DGKI: variants seen among roughly 807,000 people sequenced by gnomAD.
The protein encoded by DGKI is DAG kinase iota.
In DGKI, 55 loss-of-function variants were observed where a neutral mutation model predicts 147.5. The ratio of observed to expected loss-of-function variants is 0.37; its 90% confidence interval spans 0.30 to 0.47. The LOEUF (loss-of-function observed/expected upper bound fraction) is 0.47, where lower values mean the gene tolerates loss of function less well. Among genes scored for constraint, DGKI ranks in the 20% least tolerant of loss-of-function variants. The pLI, the probability that DGKI is intolerant of heterozygous loss-of-function variation, is 1.00. For synonymous variants in DGKI, 469 were observed against 477.1 expected, an observed-to-expected ratio of 0.98 and a Z score of 0.22; for missense variants, 1,007 against 1,323.8, an observed-to-expected ratio of 0.76 and a Z score of 3.71.
chr7:137,441,382 C>T (rs12531001), intron 28 of DGKI, among the ~76,000 whole-genome samples: 41,986 of 143,034 alleles, frequency 0.29, 7,461 homozygotes, highest in East Asian at 0.65. Flanking sequence ...GATCGTGCCA[C>T]TGCACTCCAG....
At position 137,507,172 on chromosome 7, in the gene DGKI, T is replaced by A. The variant is rs1397454538; in HGVS notation, c.2248+14694A>T. ...GAAACATAACATCCCAAGAACTTTA[T>A]ACCTTGCCATGCCATGTCTGGGACC... is the stretch of plus-strand genomic sequence containing the variant. On this transcript the variant is annotated intron_variant, in intron 21 of 32. Coordinates refer to ENST00000614521, the MANE Select transcript of DGKI (RefSeq NM_001321708.2). Among the ~76,000 whole-genome samples, 3 of 152,190 alleles carry A rather than the reference T, an allele frequency of 2.0e-5. No homozygotes were observed. In the East Asian group the frequency reaches 5.8e-4, roughly 29 times the overall value.
intron 21 of DGKI, among the ~76,000 whole-genome samples, chr7:137,501,593 T>C (rs1816171963): frequency 6.6e-6 from 1 of 152,164 alleles, no homozygotes; most frequent in African/African-American, 2.4e-5. Flanking sequence ...AAAAGACCCT[T>C]GTAGACCGAC....
intron 28 of DGKI, among the ~76,000 whole-genome samples, chr7:137,428,185 T>C (rs938715840): frequency 8.1e-5 from 12 of 147,360 alleles, no homozygotes; most frequent in Admixed American, 2.1e-4. Flanking sequence ...CAGCAGCACA[T>C]CAAAAAGCTT....
At chr7:137,483,347 T>C (rs1815437564) in intron 23 of DGKI, among the ~76,000 whole-genome samples, 1 of 152,114 alleles carries the variant, frequency 6.6e-6, no homozygotes, top group Non-Finnish European at 1.5e-5. Context: ...GGAAAAAGTA[T>C]AAACTCTTAA....
intron 1 of DGKI, among the ~76,000 whole-genome samples, chr7:137,715,953 C>T (rs561424039): frequency 2.6e-5 from 4 of 152,120 alleles, no homozygotes; most frequent in African/African-American, 7.2e-5. Flanking sequence ...AGGGCTGTGA[C>T]GGTGAATGCC....
chr7:137,743,747 G>A (rs1036668337), intron 1 of DGKI, among the ~76,000 whole-genome samples: 4 of 152,106 alleles, frequency 2.6e-5, no homozygotes, highest in South Asian at 2.1e-4. Flanking sequence ...ACTTTGGGAG[G>A]CCGAGGCAGG....
At chr7:137,577,410 C>T in intron 16 of DGKI, 126 bp from the exon 17 acceptor site, 1 of 700,028 alleles carries the variant, frequency 1.4e-6, no homozygotes, top group South Asian at 1.9e-5. Context: ...TCTCTTTCTG[C>T]AGAATCCAAA....
intron 19 of DGKI, among the ~76,000 whole-genome samples, chr7:137,562,809 T>C (rs1318049779): frequency 3.9e-5 from 6 of 152,086 alleles, no homozygotes; most frequent in South Asian, 4.1e-4. Flanking sequence ...AGCCAAATAG[T>C]ATATTAGGAA....
rs192293478 is a variant in DGKI at position 137,736,109 on chromosome 7, C to T, written c.402-46107G>A. The stretch of plus-strand genomic sequence containing the variant: ...GTTTAATTTTTCACATAGCTCTTTC[C>T]TATCCTTCCCTGCTTCAGTTCATTC... On this transcript the variant is annotated intron_variant, in intron 1 of 32. Coordinates refer to ENST00000614521, the MANE Select transcript of DGKI (RefSeq NM_001321708.2). Among the ~76,000 whole-genome samples the T allele has an allele frequency of 3.3e-5, 5 of 152,202 alleles. No homozygotes were observed. The East Asian group carries it at 9.7e-4, about 29-fold the overall frequency.
chr7:137,611,066 T>C (rs1303766679), intron 8 of DGKI, among the ~76,000 whole-genome samples: 1 of 152,200 alleles, frequency 6.6e-6, no homozygotes, highest in Non-Finnish European at 1.5e-5. Flanking sequence ...TTCGAGTTTC[T>C]AAATTCTCAG....
At chr7:137,702,371 C>T (rs948128208) in intron 1 of DGKI, among the ~76,000 whole-genome samples, 1 of 152,174 alleles carries the variant, frequency 6.6e-6, no homozygotes, top group African/African-American at 2.4e-5. Flanking sequence ...TCTACTTACT[C>T]AGCACCTCCT....
chr7:137,634,422 G>A (rs778512565), intron 6 of DGKI, among the ~76,000 whole-genome samples: 1 of 152,226 alleles, frequency 6.6e-6, no homozygotes, highest in Non-Finnish European at 1.5e-5. Context: ...TGTGCTATCT[G>A]CAAGAGGGAA....
At chr7:137,528,056 T>A (rs1006002211) in intron 20 of DGKI, among the ~76,000 whole-genome samples, 1 of 152,152 alleles carries the variant, frequency 6.6e-6, no homozygotes, top group Non-Finnish European at 1.5e-5. Flanking sequence ...TTTGAACAAA[T>A]GAGTAAATGA....
chr7:137,677,944 C>T (rs911397853), intron 3 of DGKI, among the ~76,000 whole-genome samples: 2 of 152,186 alleles, frequency 1.3e-5, no homozygotes. Context: ...TACCTCACAA[C>T]ATAAAGAGAA....
intron 1 of DGKI, among the ~76,000 whole-genome samples, chr7:137,789,151 G>C (rs941803187): frequency 2.6e-5 from 4 of 151,984 alleles, no homozygotes; most frequent in African/African-American, 9.7e-5. Context: ...TAGAAAACTG[G>C]GTATCCCCAC....
intron 1 of DGKI, among the ~76,000 whole-genome samples, chr7:137,715,551 T>C (rs80051425): frequency 0.036 from 5,540 of 152,240 alleles, 307 homozygotes; most frequent in African/African-American, 0.12. Flanking sequence ...AGACCACCAA[T>C]TGGGTATTAA....
At chr7:137,838,192 A>G (rs1411240588) in intron 1 of DGKI, among the ~76,000 whole-genome samples, 1 of 151,706 alleles carries the variant, frequency 6.6e-6, no homozygotes, top group African/African-American at 2.4e-5. Flanking sequence ...TTTAGTAAAG[A>G]CGGGGTTTTA....
intron 6 of DGKI, among the ~76,000 whole-genome samples, chr7:137,631,176 G>T (rs1821110335): frequency 6.6e-6 from 1 of 152,114 alleles, no homozygotes; most frequent in South Asian, 2.1e-4. Flanking sequence ...ATGCTCTTCT[G>T]CTGGTAGAAT....
chr7:137,511,789 C>T (rs1261557399), intron 21 of DGKI, among the ~76,000 whole-genome samples: 1 of 152,200 alleles, frequency 6.6e-6, no homozygotes, highest in Non-Finnish European at 1.5e-5. Flanking sequence ...TTCCCAGAGG[C>T]TAAAAGTTTG....
Sources: allele counts gnomAD v4.1 joint callset (sites outside exome capture counted in the v4.1 genomes callset), GRCh38; gene constraint gnomAD v4.1.1; transcripts MANE v1.5; gene names NCBI Gene and HGNC (gene_info 2026-07-23, HGNC 2026-07-21).